The following XIST variants were observed in gnomAD, a reference collection of about 807,000 sequenced individuals.
The protein encoded by XIST is X inactive specific transcript (non-protein coding).
In XIST at chrX:73,829,890, A is replaced by C. The variant is rs373371561; in HGVS notation, n.11753-659T>G. 3.1e-3 allele frequency among the ~76,000 whole-genome samples: 343 copies of C among 110,374 alleles called. 7 individuals are homozygous for C. Among genetic ancestry groups the C allele is most frequent in the Middle Eastern group, 0.028 (6 of 215 alleles). Reference sequence around the variant, plus strand: ...ATTAATAACTGAGATCACAAAAATAATAGATATGAGAGGGAAAAACATAAG... The same window carrying C: ...ATTAATAACTGAGATCACAAAAATACTAGATATGAGAGGGAAAAACATAAG... On this transcript the variant is annotated intron_variant and non_coding_transcript_variant, in intron 4 of 5. Coordinates refer to ENST00000429829, the Ensembl canonical transcript of XIST.
At chrX:73,820,769 A>G (rs768296504) in exon 6 of XIST, 1 of 557,455 alleles carries the variant, frequency 1.8e-6, no homozygotes, top group East Asian at 3.3e-5. Flanking sequence ...GCTGAACAAT[A>G]TTTTTCAATC....
chrX:73,825,139 G>A (rs753453362), exon 6 of XIST: 6 of 520,025 alleles, frequency 1.2e-5, no homozygotes, highest in Admixed American at 5.2e-5. Context: ...GCACATTATA[G>A]GTGACCACAA....
chrX:73,844,493 T>C (rs1922680955), exon 1 of XIST: 3 of 557,282 alleles, frequency 5.4e-6, no homozygotes, highest in Non-Finnish European at 3.2e-6. Context: ...TAGGACTTTA[T>C]TCAAATAGGA....
At chrX:73,849,619 G>A in exon 1 of XIST, 1 of 558,597 alleles carries the variant, frequency 1.8e-6, no homozygotes, top group Non-Finnish European at 3.2e-6. Context: ...TACCGAGTAA[G>A]GAAATTCTTT....
chrX:73,839,262 C>T (rs1922544252), intron 1 of XIST, among the ~76,000 whole-genome samples: 1 of 111,038 alleles, frequency 9.0e-6, no homozygotes, highest in Admixed American at 9.6e-5. Flanking sequence ...AAAGATAAAG[C>T]TGAAAGAGGA....
chrX:73,842,521 ATCC>A, exon 1 of XIST: 1 of 558,543 alleles, frequency 1.8e-6, no homozygotes, highest in Non-Finnish European at 3.2e-6. Context: ...GTGAAGGCTT[ATCC>A]ACCTAGTTCA....
At chrX:73,848,430 T>C (rs1922828947) in exon 1 of XIST, 1 of 557,314 alleles carries the variant, frequency 1.8e-6, no homozygotes. Context: ...AGTACAGAGG[T>C]CTTGAGTAGT....
chrX:73,844,297 T>C (rs774511480), exon 1 of XIST: 24 of 557,270 alleles, frequency 4.3e-5, no homozygotes, highest in African/African-American at 4.2e-4. Context: ...GACATTGTTG[T>C]GGTCAATTAA....
chrX:73,849,801 A>G (rs1469394271), exon 1 of XIST: 1 of 497,066 alleles, frequency 2.0e-6, no homozygotes, highest in Non-Finnish European at 3.6e-6. Flanking sequence ...GACTTTCGAG[A>G]GAAGCTGGGC....
chrX:73,833,377 TAAG>T (rs1435289413), intron 2 of XIST: 1 of 547,758 alleles, frequency 1.8e-6, no homozygotes, highest in Non-Finnish European at 3.3e-6. Flanking sequence ...AGAATGTCCT[TAAG>T]AAGAAAGACA....
exon 3 of XIST, chrX:73,833,266 C>T: frequency 1.8e-6 from 1 of 558,206 alleles, no homozygotes; most frequent in Non-Finnish European, 3.2e-6. Context: ...GGCAACCCAT[C>T]CAAGTAGATT....
At chrX:73,821,047 T>C (rs751820180) in exon 6 of XIST, 1 of 559,088 alleles carries the variant, frequency 1.8e-6, no homozygotes, top group South Asian at 2.2e-5. Flanking sequence ...AGGAAGGCTT[T>C]TAGTTACTTT....
chrX:73,831,371 C>T, intron 3 of XIST: 3 of 425,776 alleles, frequency 7.0e-6, no homozygotes, highest in East Asian at 7.6e-5. Flanking sequence ...TATTTTTACC[C>T]TTTTCTTCAT....
intron 1 of XIST, among the ~76,000 whole-genome samples, chrX:73,838,346 C>T (rs781551484): frequency 3.9e-4 from 43 of 110,818 alleles, no homozygotes; most frequent in African/African-American, 1.3e-3. Flanking sequence ...TTGCTTGGGT[C>T]TACTGCATAA....
intron 3 of XIST, chrX:73,831,434 ACC>A: frequency 3.0e-6 from 1 of 337,657 alleles, no homozygotes; most frequent in African/African-American, 2.8e-5. Flanking sequence ...TATTCTGGCT[ACC>A]AACTTAGCAA....
Position 73,824,578 on chromosome X carries a change from T to A in XIST, n.15323A>T, listed in dbSNP as rs373975235. The A allele has an allele frequency of 1.4e-5, 8 of 551,923 alleles. No homozygotes were observed. The African/African-American group carries it at 1.8e-4, about 12-fold the overall frequency. The allele number at this position is 551,923 out of a possible 1,213,427, so 45.5% of individuals were successfully genotyped here. ...TGTATAACTACTTATAGAACCCTTCTCACTGTGGTTTAACTATACAATGAG... is the reference window on the plus strand; with the variant it reads ...TGTATAACTACTTATAGAACCCTTCACACTGTGGTTTAACTATACAATGAG... On this transcript the variant is annotated non_coding_transcript_exon_variant, in exon 6 of 6. Transcript: ENST00000429829.
chrX:73,825,087 CT>C, exon 6 of XIST: 1 of 514,927 alleles, frequency 1.9e-6, no homozygotes, highest in Middle Eastern at 3.1e-4. Flanking sequence ...TATGAGAATA[CT>C]TTTCCCCCTT....
At chrX:73,841,987 T>C (rs748729846) in exon 1 of XIST, 3 of 541,303 alleles carry the variant, frequency 5.5e-6, no homozygotes, top group Non-Finnish European at 1.0e-5. Flanking sequence ...GTCTTAAGAG[T>C]TCCACTCTAG....
At chrX:73,850,799 AC>A in exon 1 of XIST, 1 of 508,716 alleles carries the variant, frequency 2.0e-6, no homozygotes, top group Non-Finnish European at 3.5e-6. Context: ...TAGGTGAGGC[AC>A]CAATACAGAG....
Sources: allele counts gnomAD v4.1 joint callset (sites outside exome capture counted in the v4.1 genomes callset), GRCh38; gene constraint gnomAD v4.1.1; transcripts MANE v1.5; gene names NCBI Gene and HGNC (gene_info 2026-07-23, HGNC 2026-07-21).